CYFIP2: variants seen among roughly 807,000 people sequenced by gnomAD.
The protein encoded by CYFIP2 is cytoplasmic FMR1-interacting protein 2.
CYFIP2 carries 29 observed loss-of-function variants against 158.7 expected under a neutral mutation model. The observed-to-expected ratio is 0.18, with a 90% CI of 0.14 to 0.25. The LOEUF (loss-of-function observed/expected upper bound fraction) is 0.25. Ranked by LOEUF, CYFIP2 falls within the 10% of genes least tolerant of loss-of-function variation. CYFIP2 has a pLI of 1.00. For missense variants in CYFIP2, 852 were observed against 1,639.5 expected, an observed-to-expected ratio of 0.52 and a Z score of 8.29; for synonymous variants, 585 against 617.6, an observed-to-expected ratio of 0.95 and a Z score of 0.78.
intron 27 of CYFIP2, among the ~76,000 whole-genome samples, chr5:157,382,895 T>C (rs1766270771): frequency 6.6e-6 from 1 of 152,174 alleles, no homozygotes; most frequent in African/African-American, 2.4e-5. Flanking sequence ...GATTCTGTCA[T>C]TCATTCAAAT....
intron 21 of CYFIP2, 31 bp downstream of exon 21, chr5:157,333,477 C>T (rs2113194804): frequency 6.2e-7 from 1 of 1,613,738 alleles, no homozygotes; most frequent in African/African-American, 1.3e-5. Flanking sequence ...GGGATTTCTG[C>T]TCTGTGATTT....
chr5:157,378,276 T>C (rs1360766620), intron 26 of CYFIP2, among the ~76,000 whole-genome samples: 2 of 152,208 alleles, frequency 1.3e-5, no homozygotes, highest in African/African-American at 4.8e-5. Flanking sequence ...AATAAAGGTA[T>C]CAGTAATTTC....
intron 3 of CYFIP2, among the ~76,000 whole-genome samples, chr5:157,291,856 A>G (rs1388644557): frequency 6.6e-6 from 1 of 152,264 alleles, no homozygotes; most frequent in Non-Finnish European, 1.5e-5. Flanking sequence ...ATTTTTTAAT[A>G]TAGATATAAA....
Position 157,320,581 on chromosome 5 carries a change from C to A in CYFIP2, c.1524-74C>A, listed in dbSNP as rs76554555. ...TGGGTGTTCCTGGGACACCACGGGCCCTAGAAACACAAGCTTGTAGTGACG... is the reference window on the plus strand; with the variant it reads ...TGGGTGTTCCTGGGACACCACGGGCACTAGAAACACAAGCTTGTAGTGACG... On this transcript the variant is annotated intron_variant, in intron 14 of 30. Coordinates refer to ENST00000620254, the MANE Select transcript of CYFIP2 (RefSeq NM_001037333.3). 3,142 of 1,591,888 alleles carry A rather than the reference C, an allele frequency of 2.0e-3. 59 individuals are homozygous for A. The African/African-American group carries it at 0.039, about 20-fold the overall frequency.
At chr5:157,281,445 A>G (rs1383668923) in intron 1 of CYFIP2, among the ~76,000 whole-genome samples, 1 of 152,236 alleles carries the variant, frequency 6.6e-6, no homozygotes, top group Non-Finnish European at 1.5e-5. Flanking sequence ...AGTTTAAGAA[A>G]GACAGGTTAA....
At position 157,302,871 on chromosome 5, in the gene CYFIP2, A is replaced by G; in HGVS notation, c.647A>G (p.Asn216Ser). The G allele has an allele frequency of 6.3e-7, 1 of 1,581,214 alleles. No homozygotes were observed. The highest frequency in any genetic ancestry group is 1.3e-5 in the African/African-American group (1 of 74,354). The change falls in exon 7 of 31, where the codon AAC becomes AGC. Residue 216 changes from asparagine (N) to serine (S), a missense_variant. Asn to Ser is a conservative substitution (Grantham distance 46). This residue lies in a region of CYFIP2 where 123 missense variants were observed against 316.7 expected (regional missense o/e 0.39). Transcript: ENST00000620254. ...CAGAACCTTTCCATGTTCCTGGCCAACCACAACAGGATCACCCAGGTGAGG... is the reference window on the plus strand; with the variant it reads ...CAGAACCTTTCCATGTTCCTGGCCAGCCACAACAGGATCACCCAGGTGAGG... Reference protein sequence around the residue: ...ESQNLSMFLANHNRITQCLHQ... With the variant: ...ESQNLSMFLASHNRITQCLHQ...
chr5:157,300,161 C>T (rs763230660), intron 5 of CYFIP2, among the ~76,000 whole-genome samples: 3 of 152,134 alleles, frequency 2.0e-5, no homozygotes, highest in East Asian at 1.9e-4. Context: ...ATGAATAAGA[C>T]GTAATGCTCA....
At chr5:157,287,947 G>A (rs1287903853) in intron 3 of CYFIP2, among the ~76,000 whole-genome samples, 3 of 152,050 alleles carry the variant, frequency 2.0e-5, no homozygotes, top group Non-Finnish European at 4.4e-5. Context: ...TTAAAAATTA[G>A]CCGGGTGAGG....
At chr5:157,301,612 G>T (rs1448531890) in intron 6 of CYFIP2, among the ~76,000 whole-genome samples, 2 of 152,178 alleles carry the variant, frequency 1.3e-5, no homozygotes, top group Non-Finnish European at 2.9e-5. Flanking sequence ...CCTTTGGAGT[G>T]CAGGGTCTCT....
Position 157,388,972 on chromosome 5 carries a change from T to C in CYFIP2, c.3208-217T>C, listed in dbSNP as rs373922885. ...ATTTTAAAAATTAATCCGCTACTGA[T>C]GGTGCCTGGATTTTACTTAACACCA... On this transcript the variant is annotated intron_variant, in intron 28 of 30. Transcript: ENST00000620254. Among the ~76,000 whole-genome samples, 10 of 152,358 alleles carry C rather than the reference T, an allele frequency of 6.6e-5. 1 individual carries two copies. The highest frequency in any genetic ancestry group is 6.5e-4 in the Admixed American group (10 of 15,310).
At chr5:157,278,860 ACT>A (rs1417650206) in intron 1 of CYFIP2, among the ~76,000 whole-genome samples, 1 of 152,158 alleles carries the variant, frequency 6.6e-6, no homozygotes, top group African/African-American at 2.4e-5. Context: ...GCTAAATGCC[ACT>A]CTCTACCTGA....
chr5:157,373,143 G>A (rs1434810128), intron 26 of CYFIP2, among the ~76,000 whole-genome samples: 1 of 152,100 alleles, frequency 6.6e-6, no homozygotes, highest in Non-Finnish European at 1.5e-5. Context: ...GACCCACAAG[G>A]CTCAGAAGAT....
Position 157,300,836 on chromosome 5 carries a change from T to C in CYFIP2, c.509T>C (p.Val170Ala). 1 of 1,612,528 alleles carries C rather than the reference T, an allele frequency of 6.2e-7. No individual in the cohort carries two copies. The highest frequency in any genetic ancestry group is 8.5e-7 in the Non-Finnish European group (1 of 1,178,900). ...TLGKFINMFA[V>A]LDELKNMKCS... ...GGCAAGTTCATCAACATGTTTGCTG[T>C]CCTGGATGAGCTAAAGAACATGAAG... The change falls in exon 6 of 31, where the codon GTC becomes GCC. Residue 170 changes from valine to alanine, a missense_variant. Val to Ala is a moderately conservative substitution (Grantham distance 64, BLOSUM62 0). Coordinates refer to ENST00000620254, the MANE Select transcript of CYFIP2 (RefSeq NM_001037333.3).
chr5:157,346,908 T>C (rs1762737418), intron 23 of CYFIP2, among the ~76,000 whole-genome samples: 2 of 152,142 alleles, frequency 1.3e-5, no homozygotes, highest in African/African-American at 2.4e-5. Context: ...CCTCCCCTTT[T>C]CTCATAAAGG....
At chr5:157,382,718 C>T in intron 27 of CYFIP2, 56 bp downstream of exon 27, 1 of 1,544,066 alleles carries the variant, frequency 6.5e-7, no homozygotes, top group Admixed American at 1.7e-5. Flanking sequence ...CTTATTCTCA[C>T]TTCCTAATTG....
intron 5 of CYFIP2, among the ~76,000 whole-genome samples, chr5:157,297,277 T>C (rs985024967): frequency 6.6e-6 from 1 of 152,174 alleles, no homozygotes; most frequent in Non-Finnish European, 1.5e-5. Flanking sequence ...TGCCTGGGTG[T>C]GAGGGAAATG....
intron 21 of CYFIP2, among the ~76,000 whole-genome samples, chr5:157,337,779 C>T (rs555971215): frequency 1.3e-5 from 2 of 152,332 alleles, no homozygotes; most frequent in South Asian, 2.1e-4. Context: ...TTGGCCTTGC[C>T]GATGTTCTTT....
intron 1 of CYFIP2, among the ~76,000 whole-genome samples, chr5:157,273,023 C>T (rs143717307): frequency 6.6e-6 from 1 of 152,220 alleles, no homozygotes; most frequent in African/African-American, 2.4e-5. Context: ...TGTGCTATGA[C>T]ACCTGGGTAA....
Position 157,343,145 on chromosome 5 carries a change from A to G in CYFIP2, c.2673+1988A>G, listed in dbSNP as rs141899488. On this transcript the variant is annotated intron_variant, in intron 23 of 30. Transcript: ENST00000620254. ...ACGGACACACCAGAACTGGAGGCAG[A>G]TGAAGGCCAAGACGGCTGTGAAGCA... 5,101 of 1,614,228 alleles carry G rather than the reference A, an allele frequency of 3.2e-3. 9 individuals are homozygous for G. The highest frequency in any genetic ancestry group is 4.0e-3 in the Non-Finnish European group (4,715 of 1,180,032).
Sources: allele counts gnomAD v4.1 joint callset (sites outside exome capture counted in the v4.1 genomes callset), GRCh38; gene constraint gnomAD v4.1.1; regional missense constraint gnomAD v4.1.1; transcripts MANE v1.5; gene names NCBI Gene and HGNC (gene_info 2026-07-23, HGNC 2026-07-21).